GALNT18: variants seen among roughly 807,000 people sequenced by gnomAD.
GALNT18 encodes polypeptide N-acetylgalactosaminyltransferase 18.
In GALNT18, 44 loss-of-function variants were observed where a neutral mutation model predicts 69.5. That is an observed-to-expected ratio of 0.63 (90% CI 0.50 to 0.81). The LOEUF is 0.81. GALNT18 is among the 40% of genes least tolerant of loss of function. The pLI, the probability that GALNT18 is intolerant of heterozygous loss-of-function variation, is 0.00. For missense variants in GALNT18, 715 were observed against 810.0 expected, an observed-to-expected ratio of 0.88 and a Z score of 1.42; for synonymous variants, 364 against 318.2, an observed-to-expected ratio of 1.14 and a Z score of -1.53.
chr11:11,528,137 T>C (rs1422068751), intron 1 of GALNT18, among the ~76,000 whole-genome samples: 5 of 152,116 alleles, frequency 3.3e-5, no homozygotes, highest in African/African-American at 1.2e-4. Flanking sequence ...TAGAGGATAA[T>C]TGGAAATTAT....
chr11:11,368,163 T>C (rs1254690914), intron 6 of GALNT18, among the ~76,000 whole-genome samples: 1 of 152,270 alleles, frequency 6.6e-6, no homozygotes. Flanking sequence ...ATTGTTACAG[T>C]TGAAAAGTCA....
intron 9 of GALNT18, among the ~76,000 whole-genome samples, chr11:11,313,362 A>G (rs959833419): frequency 1.3e-5 from 2 of 152,186 alleles, no homozygotes; most frequent in African/African-American, 4.8e-5. Context: ...ATCTCCTCCA[A>G]CCATATCTTA....
intron 9 of GALNT18, among the ~76,000 whole-genome samples, chr11:11,305,392 T>A (rs1849561717): frequency 1.3e-5 from 2 of 152,188 alleles, no homozygotes; most frequent in African/African-American, 4.8e-5. Context: ...GATGGACAGG[T>A]TCCTCCCCAA....
At chr11:11,558,098 C>T (rs1322080548) in intron 1 of GALNT18, among the ~76,000 whole-genome samples, 1 of 152,240 alleles carries the variant, frequency 6.6e-6, no homozygotes, top group Non-Finnish European at 1.5e-5. Flanking sequence ...AAGCTCCCCA[C>T]ACACATATCC....
Position 11,339,562 on chromosome 11 carries a change from C to T in GALNT18, c.1278+1257G>A, listed in dbSNP as rs754185273. ...ACACCTACCACAGGGCTTGGCACCC[C>T]GTGCAGAATACCGTGATTCAATCCT... On this transcript the variant is annotated intron_variant, in intron 7 of 10. Transcript: ENST00000227756. This position sits in a 1 kb window ranked among gnomAD's most constrained non-coding sequence, Gnocchi z 5.2. Among the ~76,000 whole-genome samples, 5 of 152,162 alleles carry T rather than the reference C, an allele frequency of 3.3e-5. No individual in the cohort carries two copies. Among genetic ancestry groups the T allele is most frequent in the Non-Finnish European group, 7.3e-5 (5 of 68,028 alleles).
At chr11:11,335,559 T>C (rs1385922787) in intron 7 of GALNT18, among the ~76,000 whole-genome samples, 1 of 152,230 alleles carries the variant, frequency 6.6e-6, no homozygotes, top group East Asian at 1.9e-4. Context: ...CTAAAATTCA[T>C]GTCTACCCAG....
intron 1 of GALNT18, among the ~76,000 whole-genome samples, chr11:11,449,956 TG>T (rs761617824): frequency 5.3e-5 from 8 of 152,224 alleles, no homozygotes; most frequent in Non-Finnish European, 8.8e-5. Flanking sequence ...CTCTCTTTGA[TG>T]GGGGCTAAAA....
chr11:11,423,261 T>C (rs1043980899), intron 3 of GALNT18, among the ~76,000 whole-genome samples: 1 of 152,062 alleles, frequency 6.6e-6, no homozygotes, highest in Non-Finnish European at 1.5e-5. Context: ...ATGTGTTATA[T>C]GTATGTAACA....
At chr11:11,412,207 G>A (rs1028081782) in intron 3 of GALNT18, among the ~76,000 whole-genome samples, 2 of 152,096 alleles carry the variant, frequency 1.3e-5, no homozygotes, top group African/African-American at 2.4e-5. Flanking sequence ...AGTGTACCTA[G>A]GCCTTATACG....
At chr11:11,535,823 T>C (rs933676214) in intron 1 of GALNT18, among the ~76,000 whole-genome samples, 1 of 152,214 alleles carries the variant, frequency 6.6e-6, no homozygotes, top group Non-Finnish European at 1.5e-5. Flanking sequence ...CTGGGGACTG[T>C]TGTATGCCAT....
rs1225208278 is a variant in GALNT18, at chr11:11,444,331, C to G, written c.428+4413G>C. On this transcript the variant is annotated intron_variant, in intron 2 of 10. Transcript: ENST00000227756. This position sits in a 1 kb window ranked among gnomAD's most constrained non-coding sequence, Gnocchi z 4.4. ...CCATCACATCCAGGCCACTGCCTTACTAAAAGCCTGCGAGGACAAGTCCTC... is the reference window on the plus strand; with the variant it reads ...CCATCACATCCAGGCCACTGCCTTAGTAAAAGCCTGCGAGGACAAGTCCTC... 6.6e-6 allele frequency among the ~76,000 whole-genome samples: 1 copy of G among 152,212 alleles called. No individual in the cohort carries two copies. Among genetic ancestry groups the G allele is most frequent in the Admixed American group, 6.5e-5 (1 of 15,284 alleles).
chr11:11,284,987 A>G (rs10831573), intron 10 of GALNT18, among the ~76,000 whole-genome samples: 42,723 of 139,066 alleles, frequency 0.31, 6,857 homozygotes, highest in Admixed American at 0.46. Flanking sequence ...GATTCTGCCC[A>G]GGGCTTGTTG....
intron 10 of GALNT18, among the ~76,000 whole-genome samples, chr11:11,281,530 C>T (rs906147745): frequency 2.0e-5 from 3 of 152,200 alleles, no homozygotes; most frequent in Admixed American, 6.5e-5. Flanking sequence ...CAGCGAGGTG[C>T]TGTGCAGACC....
chr11:11,478,683 G>T (rs1438068105), intron 1 of GALNT18, among the ~76,000 whole-genome samples: 1 of 152,220 alleles, frequency 6.6e-6, no homozygotes, highest in Non-Finnish European at 1.5e-5. Flanking sequence ...ATATTAATAT[G>T]ACTGTGTCTG....
intron 4 of GALNT18, among the ~76,000 whole-genome samples, chr11:11,378,168 C>G (rs537175039): frequency 6.6e-6 from 1 of 152,300 alleles, no homozygotes; most frequent in Admixed American, 6.5e-5. Flanking sequence ...GTGTTGCAGC[C>G]TTCATTTGGG....
At position 11,377,369 on chromosome 11, in the gene GALNT18, C is replaced by A. The variant is rs1329091587; in HGVS notation, c.790G>T (p.Val264Leu). The A allele has an allele frequency of 4.3e-6, 7 of 1,613,784 alleles. No individual in the cohort carries two copies. The highest frequency in any genetic ancestry group is 5.9e-6 in the Non-Finnish European group (7 of 1,180,012). ...CGGTTCTCCTTGATGCGGGTGAGTACAGGTTCAGCCCTGGGCAGAGAGGAG... is the reference window on the plus strand; with the variant it reads ...CGGTTCTCCTTGATGCGGGTGAGTAAAGGTTCAGCCCTGGGCAGAGAGGAG... ...VEFNVGWAEP[V>L]LTRIKENRKR... Residue 264 changes from valine to leucine, a missense_variant, in exon 5 of 11, where the codon GTA becomes TTA. Transcript: ENST00000227756. This position sits in a 1 kb window ranked among gnomAD's most constrained non-coding sequence, Gnocchi z 4.6.
At chr11:11,364,963 T>A (rs1337188214) in intron 6 of GALNT18, among the ~76,000 whole-genome samples, 1 of 151,136 alleles carries the variant, frequency 6.6e-6, no homozygotes, top group Non-Finnish European at 1.5e-5. Flanking sequence ...TATCTCACTG[T>A]TTTTGTATAT....
At chr11:11,300,247 A>ATCT (rs1252004041) in intron 9 of GALNT18, among the ~76,000 whole-genome samples, 1 of 152,172 alleles carries the variant, frequency 6.6e-6, no homozygotes, top group African/African-American at 2.4e-5. Flanking sequence ...AAAATGAGGT[A>ATCT]TCTTTGGGGC....
intron 3 of GALNT18, among the ~76,000 whole-genome samples, chr11:11,391,755 T>C (rs1589963550): frequency 6.6e-6 from 1 of 152,230 alleles, no homozygotes; most frequent in East Asian, 1.9e-4. Context: ...GCAGGTTAAG[T>C]TCCAAAACAT....
Sources: gnomAD v4.1 joint callset for allele counts (sites outside exome capture counted in the v4.1 genomes callset) on GRCh38, gnomAD v4.1.1 for gene constraint, Gnocchi (gnomAD v3.1) non-coding constraint, MANE v1.5 for transcripts, NCBI Gene and HGNC (gene_info 2026-07-23, HGNC 2026-07-21) for gene names.